IRF8: variants seen among roughly 807,000 people sequenced by gnomAD.
IRF8 encodes the protein interferon consensus sequence binding protein 1.
Under a neutral mutation model 48.7 loss-of-function variants are expected in IRF8, and 14 were observed. The observed-to-expected ratio is 0.29, with a 90% CI of 0.19 to 0.45. The LOEUF is 0.45. Ranked by LOEUF, IRF8 falls within the 20% of genes least tolerant of loss-of-function variation. IRF8 has a pLI of 1.00. For synonymous variants in IRF8, 278 were observed against 227.3 expected (o/e 1.22, Z -2.01); for missense variants, 493 against 580.7 (o/e 0.85, Z 1.55).
Position 85,911,655 on chromosome 16 carries a change from G to A in IRF8, c.444G>A (p.Lys148=), listed in dbSNP as rs778397229. The change falls in exon 4 of 9, where the codon AAG becomes AAA. Residue 148 remains lysine (K), a synonymous_variant. Transcript: ENST00000268638. The part of the protein sequence containing the change: ...CGRSEIDELI[K]EPSVDDYMGM... ...GCTCTGAAATCGACGAGCTGATCAAGGAGGTAAGCAGAGGCAGCATTTCAG... is the reference window on the plus strand; with the variant it reads ...GCTCTGAAATCGACGAGCTGATCAAAGAGGTAAGCAGAGGCAGCATTTCAG... The A allele has an allele frequency of 6.2e-7, 1 of 1,613,510 alleles. No individual in the cohort carries two copies. The highest frequency in any genetic ancestry group is 1.1e-5 in the South Asian group (1 of 91,044).
At chr16:85,918,965 G>A (rs867308770) in intron 7 of IRF8, among the ~76,000 whole-genome samples, 162 bp downstream of exon 7, 2 of 152,184 alleles carry the variant, frequency 1.3e-5, no homozygotes, top group Admixed American at 6.5e-5. Flanking sequence ...ATGGCACTCT[G>A]CCCTCTCCAC....
chr16:85,916,244 C>T (rs1473493895), intron 6 of IRF8, among the ~76,000 whole-genome samples: 1 of 152,228 alleles, frequency 6.6e-6, no homozygotes, highest in Non-Finnish European at 1.5e-5. Flanking sequence ...AAAGCTGAGG[C>T]ACAGAGTGGG....
intron 3 of IRF8, among the ~76,000 whole-genome samples, chr16:85,910,235 G>C (rs1051999437): frequency 6.6e-6 from 1 of 152,196 alleles, no homozygotes; most frequent in African/African-American, 2.4e-5. Context: ...GAACGAGAAA[G>C]CTGAGCCAAA....
At position 85,903,072 on chromosome 16, in the gene IRF8, C is replaced by T; in HGVS notation, c.57C>T (p.Asp19=). 1.2e-6 allele frequency: 2 copies of T among 1,614,190 alleles called. No homozygotes were observed. The highest frequency in any genetic ancestry group is 2.7e-5 in the African/African-American group (2 of 75,036). The change falls in exon 2 of 9, where the codon GAC becomes GAT. Residue 19 remains aspartate, a synonymous_variant. Coordinates refer to ENST00000268638, the MANE Select transcript of IRF8 (RefSeq NM_002163.4). ...RLRQWLIEQI[D]SSMYPGLIWE... is the part of the protein sequence containing the mutation. ...GACAGTGGCTGATCGAGCAGATTGA[C>T]AGTAGCATGTATCCAGGACTGATTT...
intron 2 of IRF8, among the ~76,000 whole-genome samples, chr16:85,905,119 CT>C (rs1427192843): frequency 2.0e-5 from 3 of 152,302 alleles, no homozygotes; most frequent in Non-Finnish European, 1.5e-5. Flanking sequence ...CAAATATCTC[CT>C]GGTGGGGCAG....
chr16:85,909,481 C>G (rs932155168), intron 3 of IRF8: 28 of 395,408 alleles, frequency 7.1e-5, no homozygotes, highest in African/African-American at 4.7e-4. Flanking sequence ...TTTCATTTTC[C>G]AGCAGCTTGC....
intron 6 of IRF8, among the ~76,000 whole-genome samples, chr16:85,915,081 C>T (rs1376564779): frequency 6.6e-6 from 1 of 152,222 alleles, no homozygotes; most frequent in Non-Finnish European, 1.5e-5. Context: ...CCCACCACCT[C>T]TAGGTGGATG....
At chr16:85,917,894 C>T (rs1905369954) in intron 6 of IRF8, among the ~76,000 whole-genome samples, 1 of 152,198 alleles carries the variant, frequency 6.6e-6, no homozygotes, top group African/African-American at 2.4e-5. Flanking sequence ...AAGGGTTTTG[C>T]AGAGATTCTT....
At chr16:85,919,826 G>A (rs923730263) in intron 7 of IRF8, among the ~76,000 whole-genome samples, 2 of 152,246 alleles carry the variant, frequency 1.3e-5, no homozygotes, top group Non-Finnish European at 2.9e-5. Context: ...GGCCAGGCAG[G>A]TAAGAGCAAT....
intron 3 of IRF8, among the ~76,000 whole-genome samples, chr16:85,911,301 GAAGA>G (rs1198893617): frequency 6.6e-6 from 1 of 152,176 alleles, no homozygotes; most frequent in Non-Finnish European, 1.5e-5. Flanking sequence ...TCAGAAAATA[GAAGA>G]AAGAGACCAA....
intron 1 of IRF8, among the ~76,000 whole-genome samples, chr16:85,899,847 A>C (rs1449557840): frequency 6.6e-6 from 1 of 152,236 alleles, no homozygotes; most frequent in Admixed American, 6.5e-5. Context: ...TTGTAAAATG[A>C]GTCCCAATAC....
At chr16:85,915,073 C>T (rs1342300777) in intron 6 of IRF8, among the ~76,000 whole-genome samples, 1 of 152,216 alleles carries the variant, frequency 6.6e-6, no homozygotes, top group East Asian at 1.9e-4. Context: ...CTCCCCTGCC[C>T]ACCACCTCTA....
At chr16:85,903,213 C>G in intron 2 of IRF8, 24 bp downstream of exon 2, 1 of 1,598,840 alleles carries the variant, frequency 6.3e-7, no homozygotes, top group East Asian at 2.2e-5. Context: ...CTCCCTTCCC[C>G]ACTGTGGGCA....
At position 85,908,875 on chromosome 16, in the gene IRF8, G is replaced by A. The variant is rs138827124; in HGVS notation, c.175-115G>A. ...TGGGTCCTGAAATTGAATGAGAGTT[G>A]ATGGCCAACAAAGATTCATGGGAAG... is the stretch of plus-strand genomic sequence containing the variant. On this transcript the variant is annotated intron_variant, in intron 2 of 8. Coordinates refer to ENST00000268638, the MANE Select transcript of IRF8 (RefSeq NM_002163.4). 9.9e-4 allele frequency: 915 copies of A among 927,790 alleles called. 3 individuals carry two copies. The African/African-American group carries it at 0.014, about 14-fold the overall frequency. The allele number at this position is 927,790 out of a possible 1,614,324, so 57.5% of individuals were successfully genotyped here.
intron 2 of IRF8, 61 bp downstream of exon 2, chr16:85,903,250 G>C (rs1228171890): frequency 2.1e-6 from 3 of 1,437,006 alleles, no homozygotes; most frequent in Non-Finnish European, 1.9e-6. Context: ...TCATGGACTA[G>C]TGGAGATGTT....
rs1905144267 is a variant in IRF8 at position 85,911,594 on chromosome 16, G to A, written c.383G>A (p.Gly128Asp). Residue 128 changes from glycine (G) to aspartate (D), a missense_variant, in exon 4 of 9, where the codon GGC becomes GAC. This residue lies in a region of IRF8 where 408 missense variants were observed against 449.6 expected (regional missense o/e 0.91). Transcript: ENST00000268638. ...GGCAAACTAGGCGTGGCAACTGCTG[G>A]CTGCGTGAATGAAGTTACAGAGATG... ...QKCKLGVATA[G>D]CVNEVTEMEC... The A allele has an allele frequency of 6.2e-7, 1 of 1,614,028 alleles. No individual in the cohort carries two copies. The highest frequency in any genetic ancestry group is 1.3e-5 in the African/African-American group (1 of 74,926).
chr16:85,913,100 C>A (rs1355158271), intron 4 of IRF8, 31 bp from the exon 5 acceptor site: 1 of 1,499,550 alleles, frequency 6.7e-7, no homozygotes, highest in African/African-American at 1.4e-5. Flanking sequence ...AGTGACTGAG[C>A]TGCCCTCCTC....
Position 85,918,398 on chromosome 16 carries a change from G to A in IRF8, c.602-19G>A, listed in dbSNP as rs185056029. On this transcript the variant is annotated intron_variant, in intron 6 of 8. Coordinates refer to ENST00000268638, the MANE Select transcript of IRF8 (RefSeq NM_002163.4). ...TATGTCTCCCCGCAGCACCGTCATC[G>A]TGTCCCTCTTGTCCACAGCATTCTC... 1.9e-4 allele frequency: 309 copies of A among 1,593,630 alleles called. 2 individuals are homozygous for A. In the African/African-American group the frequency reaches 2.4e-3, roughly 12 times the overall value.
intron 4 of IRF8, 50 bp downstream of exon 4, chr16:85,911,708 A>G: frequency 1.3e-6 from 2 of 1,517,038 alleles, no homozygotes. Context: ...GAGGAGTCTC[A>G]TGTCTTCTGG....
Sources: allele counts gnomAD v4.1 joint callset (sites outside exome capture counted in the v4.1 genomes callset), GRCh38; gene constraint gnomAD v4.1.1; regional missense constraint gnomAD v4.1.1; transcripts MANE v1.5; gene names NCBI Gene and HGNC (gene_info 2026-07-23, HGNC 2026-07-21).